Variants in RAPGEF2 observed in about 807,000 individuals in gnomAD.
The protein encoded by RAPGEF2 is Rap guanine nucleotide exchange factor 2, also known as PDZ domain containing guanine nucleotide exchange factor (GEF) 1.
In RAPGEF2, 54 loss-of-function variants were observed where a neutral mutation model predicts 186.7. The observed-to-expected ratio is 0.29, with a 90% CI of 0.23 to 0.36. RAPGEF2 has a LOEUF of 0.36. Ranked by LOEUF, RAPGEF2 falls within the 10% of genes least tolerant of loss-of-function variation. The pLI is 1.00. For synonymous variants in RAPGEF2, 712 were observed against 705.9 expected, an observed-to-expected ratio of 1.01 and a Z score of -0.14; for missense variants, 1,532 against 2,045.0, an observed-to-expected ratio of 0.75 and a Z score of 4.84.
At chr4:159,174,203 T>C (rs189804154) in intron 1 of RAPGEF2, among the ~76,000 whole-genome samples, 1 of 152,358 alleles carries the variant, frequency 6.6e-6, no homozygotes, top group Non-Finnish European at 1.5e-5. Context: ...ACGTGACAAT[T>C]AACATGGTGC....
chr4:159,299,483 C>A (rs1051554819), intron 7 of RAPGEF2, among the ~76,000 whole-genome samples: 2 of 148,546 alleles, frequency 1.3e-5, no homozygotes, highest in Non-Finnish European at 3.0e-5. Context: ...TAAAATTCCA[C>A]AAAACTCATC....
intron 1 of RAPGEF2, among the ~76,000 whole-genome samples, chr4:159,128,305 C>T (rs1397881497): frequency 6.6e-6 from 1 of 152,028 alleles, no homozygotes; most frequent in East Asian, 1.9e-4. Flanking sequence ...TCCACGTGAC[C>T]CTGGAAATTT....
At chr4:159,314,536 C>T (rs1764317163) in intron 8 of RAPGEF2, 55 bp from the exon 9 acceptor site, 8 of 1,436,662 alleles carry the variant, frequency 5.6e-6, no homozygotes, top group East Asian at 5.1e-5. Context: ...TTTCTTTGGG[C>T]CCCAAAGATT....
chr4:159,200,400 G>A (rs974034087), intron 3 of RAPGEF2, among the ~76,000 whole-genome samples: 3 of 152,106 alleles, frequency 2.0e-5, no homozygotes, highest in Non-Finnish European at 4.4e-5. Flanking sequence ...CCTGGGAGGC[G>A]GAGGTTGCAG....
At chr4:159,115,231 T>G (rs1170593358) in intron 1 of RAPGEF2, among the ~76,000 whole-genome samples, 1 of 152,186 alleles carries the variant, frequency 6.6e-6, no homozygotes, top group Non-Finnish European at 1.5e-5. Context: ...GAAGATTGGA[T>G]TAAAAAACAT....
intron 4 of RAPGEF2, among the ~76,000 whole-genome samples, chr4:159,220,013 T>C (rs1481991008): frequency 3.2e-4 from 49 of 152,220 alleles, no homozygotes; most frequent in Non-Finnish European, 4.4e-5. Context: ...TCACTTTGTC[T>C]AGTGCTGCAG....
intron 1 of RAPGEF2, among the ~76,000 whole-genome samples, chr4:159,125,872 A>G (rs1740247103): frequency 6.6e-6 from 1 of 152,216 alleles, no homozygotes; most frequent in African/African-American, 2.4e-5. Flanking sequence ...TAGATGTGAA[A>G]TTACTTAGTT....
Position 159,210,533 on chromosome 4 carries a change from T to C in RAPGEF2, c.231T>C (p.Leu77=), listed in dbSNP as rs1325625041. Residue 77 remains leucine, a synonymous_variant, in exon 4 of 30, where the codon CTT becomes CTC. Transcript: ENST00000691494. Reference sequence around the variant, plus strand: ...ATATTGGGACCTGCTGGTATATCCTTCTTTCTGGTTCCGTGTTCATCAAGG... The same window carrying C: ...ATATTGGGACCTGCTGGTATATCCTCCTTTCTGGTTCCGTGTTCATCAAGG... ...PDDIGTCWYI[L]LSGSVFIKES... 6.5e-6 allele frequency: 10 copies of C among 1,534,888 alleles called. No homozygotes were observed. Among genetic ancestry groups the C allele is most frequent in the East Asian group, 2.4e-5 (1 of 40,868 alleles).
chr4:159,157,658 ACCAAGT>A (rs1416340244), intron 1 of RAPGEF2, among the ~76,000 whole-genome samples: 2 of 152,186 alleles, frequency 1.3e-5, no homozygotes, highest in Non-Finnish European at 2.9e-5. Flanking sequence ...GGAATTCTTC[ACCAAGT>A]CCGTTCTTCA....
At chr4:159,302,878 T>C (rs910435235) in intron 7 of RAPGEF2, among the ~76,000 whole-genome samples, 1 of 152,074 alleles carries the variant, frequency 6.6e-6, no homozygotes, top group Admixed American at 6.5e-5. Flanking sequence ...ACATCTTCAA[T>C]TACCAGTTTC....
intron 1 of RAPGEF2, among the ~76,000 whole-genome samples, chr4:159,136,096 A>C (rs1037434748): frequency 6.6e-6 from 1 of 152,276 alleles, no homozygotes; most frequent in Admixed American, 6.5e-5. Flanking sequence ...TTTTCCACTA[A>C]TGTTTTCTTT....
At chr4:159,270,101 T>C (rs1347106969) in intron 7 of RAPGEF2, among the ~76,000 whole-genome samples, 2 of 152,216 alleles carry the variant, frequency 1.3e-5, no homozygotes, top group Non-Finnish European at 2.9e-5. Context: ...CTGTGAGTGG[T>C]ATTGCCCATG....
rs78832490 is a variant in RAPGEF2, at chr4:159,221,458, C to A, written c.281+10875C>A. On this transcript the variant is annotated intron_variant, in intron 4 of 29. Coordinates refer to ENST00000691494, the MANE Select transcript of RAPGEF2 (RefSeq NM_001394067.2). ...TCATTTCTATTTGTATCTCATTGTA[C>A]AGAATGTGGACAGTAGTAGTCATGT... 3.6e-3 allele frequency among the ~76,000 whole-genome samples: 541 copies of A among 152,278 alleles called. 2 individuals are homozygous for A. The highest frequency in any genetic ancestry group is 0.012 in the African/African-American group (484 of 41,554).
chr4:159,205,401 A>G (rs1342812743), intron 3 of RAPGEF2, among the ~76,000 whole-genome samples: 1 of 152,184 alleles, frequency 6.6e-6, no homozygotes, highest in Non-Finnish European at 1.5e-5. Flanking sequence ...TTCTTGTCTT[A>G]CAATGTGGTT....
intron 3 of RAPGEF2, among the ~76,000 whole-genome samples, chr4:159,205,867 A>G (rs141763131): frequency 6.6e-6 from 1 of 152,010 alleles, no homozygotes; most frequent in East Asian, 1.9e-4. Flanking sequence ...GTGAGAACCG[A>G]CACATACACT....
chr4:159,173,304 A>C (rs991541728), intron 1 of RAPGEF2, among the ~76,000 whole-genome samples: 1 of 152,166 alleles, frequency 6.6e-6, no homozygotes. Flanking sequence ...TCAGTGACCT[A>C]TTCCGCTTTG....
At chr4:159,152,995 A>G (rs941088609) in intron 1 of RAPGEF2, among the ~76,000 whole-genome samples, 3 of 152,210 alleles carry the variant, frequency 2.0e-5, no homozygotes, top group African/African-American at 7.2e-5. Flanking sequence ...TTGCTGTCTT[A>G]TATCTAGTTA....
At chr4:159,210,841 G>A (rs1750448308) in intron 4 of RAPGEF2, among the ~76,000 whole-genome samples, 2 of 152,160 alleles carry the variant, frequency 1.3e-5, no homozygotes, top group South Asian at 2.1e-4. Context: ...CAGCTGTGTT[G>A]AGGGCACATT....
chr4:159,144,337 T>C (rs910350950), intron 1 of RAPGEF2, among the ~76,000 whole-genome samples: 3 of 152,248 alleles, frequency 2.0e-5, no homozygotes, highest in Admixed American at 6.5e-5. Flanking sequence ...TCCATTGTAC[T>C]GCATTTGATC....
Sources: allele counts gnomAD v4.1 joint callset (sites outside exome capture counted in the v4.1 genomes callset), GRCh38; gene constraint gnomAD v4.1.1; transcripts MANE v1.5; gene names NCBI Gene and HGNC (gene_info 2026-07-23, HGNC 2026-07-21).